PASK: variants seen among roughly 807,000 people sequenced by gnomAD.
The protein encoded by PASK is PAS domain-containing serine/threonine-protein kinase.
PASK carries 110 observed loss-of-function variants against 121.0 expected under a neutral mutation model. The ratio of observed to expected loss-of-function variants is 0.91; its 90% confidence interval spans 0.78 to 1.06. The LOEUF is 1.06. Ranked by LOEUF, PASK falls within the 50% of genes least tolerant of loss-of-function variation. The probability of loss-of-function intolerance (pLI) is 0.00; values close to 1 mark genes in which losing one functional copy is unlikely to be tolerated. For missense variants in PASK, 1,643 were observed against 1,702.3 expected (o/e 0.97, Z 0.61); for synonymous variants, 686 against 717.8 (o/e 0.96, Z 0.71).
upstream of PASK, chr2:241,149,664 C>G (rs1357364600): frequency 1.9e-6 from 3 of 1,544,848 alleles, no homozygotes; most frequent in Admixed American, 1.9e-5. Context: ...CCTCCGCCCC[C>G]GGGCCGGGCA....
chr2:241,115,933 CA>C (rs1559361876), intron 12 of PASK, among the ~76,000 whole-genome samples: 15 of 92,394 alleles, frequency 1.6e-4, no homozygotes, highest in Admixed American at 2.1e-4. Flanking sequence ...GGGCCACCAT[CA>C]GTCCTCAAGC....
intron 15 of PASK, among the ~76,000 whole-genome samples, chr2:241,111,337 G>C (rs1276639547): frequency 6.6e-6 from 1 of 152,154 alleles, no homozygotes; most frequent in African/African-American, 2.4e-5. Flanking sequence ...TGCAGCAGAG[G>C]GCCAGGAGGG....
chr2:241,124,346 G>A (rs1380377392), intron 10 of PASK, among the ~76,000 whole-genome samples: 1 of 152,216 alleles, frequency 6.6e-6, no homozygotes, highest in Non-Finnish European at 1.5e-5. Flanking sequence ...GCCGGCCAGG[G>A]AAAGACCCCT....
At position 241,127,007 on chromosome 2, in the gene PASK, G is replaced by A. The variant is rs777944280; in HGVS notation, c.1908C>T (p.Leu636=). The A allele has an allele frequency of 7.4e-6, 12 of 1,614,244 alleles. No individual in the cohort carries two copies. Among genetic ancestry groups the A allele is most frequent in the Non-Finnish European group, 1.0e-5 (12 of 1,180,048 alleles). Residue 636 remains leucine (L), a synonymous_variant, in exon 10 of 18, where the codon CTC becomes CTT. Coordinates refer to ENST00000234040, the MANE Select transcript of PASK (RefSeq NM_015148.4). Reference sequence around the variant, plus strand: ...CATCTAGAGTAGGTGTCCCAAACGAGAGGCCTGCCATCCCAGAGGGGCTGG... The same window carrying A: ...CATCTAGAGTAGGTGTCCCAAACGAAAGGCCTGCCATCCCAGAGGGGCTGG... ...LAPSPSGMAG[L]SFGTPTLDEP...
intron 1 of PASK, among the ~76,000 whole-genome samples, chr2:241,143,600 A>C (rs2066815683): frequency 6.6e-6 from 1 of 152,066 alleles, no homozygotes; most frequent in Non-Finnish European, 1.5e-5. Context: ...AATACATAGG[A>C]AGATATGGGA....
At chr2:241,129,416 A>C (rs978115480) in intron 9 of PASK, among the ~76,000 whole-genome samples, 2 of 152,174 alleles carry the variant, frequency 1.3e-5, no homozygotes, top group African/African-American at 2.4e-5. Context: ...CTTGCTAGGG[A>C]GACCCCAGCA....
At chr2:241,143,976 C>CGG (rs2066831208) in intron 1 of PASK, among the ~76,000 whole-genome samples, 1 of 152,238 alleles carries the variant, frequency 6.6e-6, no homozygotes, top group Non-Finnish European at 1.5e-5. Flanking sequence ...ACATACTCTT[C>CGG]CGAGTTCCCT....
chr2:241,135,839 C>T (rs748157551), intron 8 of PASK, 32 bp downstream of exon 8: 10 of 1,602,304 alleles, frequency 6.2e-6, no homozygotes, highest in East Asian at 2.2e-5. Flanking sequence ...TCAGCAGCTA[C>T]AGGCGCATTC....
chr2:241,110,544 AGAGCCCTG>A (rs2065066279), intron 15 of PASK, among the ~76,000 whole-genome samples: 1 of 152,204 alleles, frequency 6.6e-6, no homozygotes, highest in Admixed American at 6.5e-5. Context: ...GAGGCAGGGC[AGAGCCCTG>A]GCAGGGCAGG....
chr2:241,148,762 C>A (rs1365564452), intron 1 of PASK, among the ~76,000 whole-genome samples: 1 of 152,104 alleles, frequency 6.6e-6, no homozygotes, highest in Non-Finnish European at 1.5e-5. Context: ...ATTATAAAGT[C>A]TTAAATTAAG....
At position 241,122,738 on chromosome 2, in the gene PASK, G is replaced by GTT. The variant is rs745388191; in HGVS notation, c.3064_3065dup (p.Asn1022LysfsTer7). 1 of 1,613,690 alleles carries GTT rather than the reference G, an allele frequency of 6.2e-7. No individual in the cohort carries two copies. Among genetic ancestry groups the GTT allele is most frequent in the Non-Finnish European group, 8.5e-7 (1 of 1,179,732 alleles). ...CCCCCCACAGCCAGGTTACCTCCTTGTTTTTTTCCTTGTCCACAGCAGTCC... is the reference window on the plus strand; with the variant it reads ...CCCCCCACAGCCAGGTTACCTCCTTGTTTTTTTTTCCTTGTCCACAGCAGTCC... On this transcript the variant is annotated frameshift_variant, in exon 12 of 18. Transcript: ENST00000234040. LOFTEE classifies it high-confidence loss of function.
At position 241,115,295 on chromosome 2, in the gene PASK, A is replaced by T. The variant is rs1317605295; in HGVS notation, c.3191T>A (p.Ile1064Asn). The T allele has an allele frequency of 6.2e-7, 1 of 1,614,026 alleles. No homozygotes were observed. Among genetic ancestry groups the T allele is most frequent in the South Asian group, 1.1e-5 (1 of 91,086 alleles). Reference sequence around the variant, plus strand: ...TGAAGAGGAAACCATCACCTTGATGATATTGGCGTGCTCCACCCTGGATAG... The same window carrying T: ...TGAAGAGGAAACCATCACCTTGATGTTATTGGCGTGCTCCACCCTGGATAG... The part of the protein sequence containing the change: ...AILSRVEHAN[I>N]IKVLDIFENQ... Residue 1064 changes from isoleucine to asparagine, a missense_variant, in exon 13 of 18, where the codon ATC becomes AAC. By Grantham distance (149) the Ile-to-Asn change is moderately radical. Coordinates refer to ENST00000234040, the MANE Select transcript of PASK (RefSeq NM_015148.4).
intron 1 of PASK, among the ~76,000 whole-genome samples, chr2:241,144,148 G>A (rs549048430): frequency 6.6e-6 from 1 of 151,162 alleles, no homozygotes; most frequent in Non-Finnish European, 1.5e-5. Flanking sequence ...GTGTACATGA[G>A]CGTGTGTGTG....
At position 241,137,141 on chromosome 2, in the gene PASK, C is replaced by T. The variant is rs369664516; in HGVS notation, c.1000G>A (p.Gly334Ser). 6 of 1,613,802 alleles carry T rather than the reference C, an allele frequency of 3.7e-6. No individual in the cohort carries two copies. The highest frequency in any genetic ancestry group is 2.2e-5 in the East Asian group (1 of 44,874). ...AACACCCAGACAGATGCCCGGTAGCCGCTCACAGGGGCCGCCTCACCGGTG... is the reference window on the plus strand; with the variant it reads ...AACACCCAGACAGATGCCCGGTAGCTGCTCACAGGGGCCGCCTCACCGGTG... ...ATTGEAAPVS[G>S]YRASVWVFCT... The change falls in exon 7 of 18, where the codon GGC becomes AGC. Residue 334 changes from glycine (G) to serine (S), a missense_variant. Transcript: ENST00000234040.
At position 241,135,935 on chromosome 2, in the gene PASK, C is replaced by G. The variant is rs372343266; in HGVS notation, c.1242G>C (p.Glu414Asp). ...CCAAGGTTCTCTCCCCACACCCACTCTCATTGCCGACGTCCAGGCAGCTGG... is the reference window on the plus strand; with the variant it reads ...CCAAGGTTCTCTCCCCACACCCACTGTCATTGCCGACGTCCAGGCAGCTGG... ...DLASCLDVGN[E>D]SGCGERTLDP... The change falls in exon 8 of 18, where the codon GAG becomes GAC. Residue 414 changes from glutamate to aspartate, a missense_variant. Transcript: ENST00000234040. 6.8e-5 allele frequency: 109 copies of G among 1,614,130 alleles called. No individual in the cohort carries two copies. Among genetic ancestry groups the G allele is most frequent in the Non-Finnish European group, 8.6e-5 (102 of 1,180,056 alleles).
At chr2:241,139,858 CTG>C in intron 4 of PASK, 25 bp downstream of exon 4, 1 of 1,611,866 alleles carries the variant, frequency 6.2e-7, no homozygotes, top group South Asian at 1.1e-5. Context: ...TGAGGCCAGA[CTG>C]AACGCTGCAC....
intron 4 of PASK, chr2:241,139,602 C>G: frequency 1.5e-6 from 1 of 659,952 alleles, no homozygotes; most frequent in Non-Finnish European, 2.9e-6. Flanking sequence ...ATTAGTGAAG[C>G]TACAGCCCTC....
At chr2:241,107,213 C>A in intron 17 of PASK, 140 bp downstream of exon 17, 1 of 809,744 alleles carries the variant, frequency 1.2e-6, no homozygotes, top group Non-Finnish European at 2.2e-6. Flanking sequence ...GACAGGTCAG[C>A]TATAGGCCCT....
intron 10 of PASK, among the ~76,000 whole-genome samples, chr2:241,125,010 C>T (rs991639787): frequency 2.0e-5 from 3 of 148,364 alleles, no homozygotes; most frequent in Non-Finnish European, 4.5e-5. Context: ...ACTAAAAATA[C>T]AAAAAATTAG....
Sources: gnomAD v4.1 joint callset for allele counts (sites outside exome capture counted in the v4.1 genomes callset) on GRCh38, gnomAD v4.1.1 for gene constraint, MANE v1.5 for transcripts, NCBI Gene and HGNC (gene_info 2026-07-23, HGNC 2026-07-21) for gene names.